ZNF804B: variants seen among roughly 807,000 people sequenced by gnomAD.
ZNF804B encodes the protein zinc finger 804B.
A neutral mutation model predicts 101.4 loss-of-function variants in ZNF804B; 80 were observed. That is an observed-to-expected ratio of 0.79 (90% CI 0.66 to 0.95). The LOEUF is 0.95. Ranked by LOEUF, ZNF804B falls within the 40% of genes least tolerant of loss-of-function variation. ZNF804B has a pLI of 0.00. For missense variants in ZNF804B, 1,673 were observed against 1,561.9 expected, an observed-to-expected ratio of 1.07 and a Z score of -1.20; for synonymous variants, 622 against 558.8, an observed-to-expected ratio of 1.11 and a Z score of -1.59.
chr7:88,790,131 G>A (rs918814328), intron 1 of ZNF804B, among the ~76,000 whole-genome samples: 15 of 151,924 alleles, frequency 9.9e-5, no homozygotes, highest in Admixed American at 2.6e-4. Context: ...GTGATCATTG[G>A]CTTTATATAT....
intron 2 of ZNF804B, among the ~76,000 whole-genome samples, chr7:89,258,132 C>T (rs115191651): frequency 0.016 from 2,450 of 151,636 alleles, 68 homozygotes; most frequent in African/African-American, 0.056. Flanking sequence ...TATAGTATAA[C>T]AACTATTTAT....
intron 1 of ZNF804B, among the ~76,000 whole-genome samples, chr7:89,079,697 A>G (rs546039559): frequency 6.6e-6 from 1 of 152,158 alleles, no homozygotes; most frequent in East Asian, 1.9e-4. Flanking sequence ...GACAAGAACT[A>G]ATATAGGAGG....
chr7:89,240,873 T>G (rs1403082141), intron 2 of ZNF804B, among the ~76,000 whole-genome samples: 3 of 152,096 alleles, frequency 2.0e-5, no homozygotes, highest in Admixed American at 2.0e-4. Flanking sequence ...TATGCTTGGT[T>G]TATTGTTTAA....
At chr7:88,856,155 G>A (rs1305297221) in intron 1 of ZNF804B, among the ~76,000 whole-genome samples, 9 of 152,148 alleles carry the variant, frequency 5.9e-5, no homozygotes, top group African/African-American at 2.2e-4. Flanking sequence ...GTCATTGGTA[G>A]CTTGATGGGG....
chr7:88,786,954 A>G (rs747026619), intron 1 of ZNF804B, among the ~76,000 whole-genome samples: 33 of 152,146 alleles, frequency 2.2e-4, no homozygotes, highest in Non-Finnish European at 2.6e-4. Context: ...GAGTGTGCAC[A>G]CAAACATGGC....
At chr7:89,241,304 C>T (rs1187591243) in intron 2 of ZNF804B, among the ~76,000 whole-genome samples, 1 of 152,036 alleles carries the variant, frequency 6.6e-6, no homozygotes, top group Non-Finnish European at 1.5e-5. Flanking sequence ...TGAGATGAAG[C>T]TTCAATTATT....
At chr7:89,246,280 G>C (rs1277078258) in intron 2 of ZNF804B, among the ~76,000 whole-genome samples, 2 of 152,186 alleles carry the variant, frequency 1.3e-5, no homozygotes, top group African/African-American at 4.8e-5. Flanking sequence ...TTGCAGCCAG[G>C]AGCAGTTTGT....
At chr7:89,130,927 C>A (rs1353087396) in intron 1 of ZNF804B, among the ~76,000 whole-genome samples, 1 of 151,934 alleles carries the variant, frequency 6.6e-6, no homozygotes, top group South Asian at 2.1e-4. Flanking sequence ...AACTGAACGA[C>A]CAAAGTTTAT....
intron 1 of ZNF804B, among the ~76,000 whole-genome samples, chr7:89,113,724 G>A (rs2214340): frequency 0.22 from 33,949 of 151,964 alleles, 3,748 homozygotes; most frequent in Middle Eastern, 0.26. Context: ...AGGCCAAGGC[G>A]GGCAGATCAT....
chr7:88,793,615 G>A (rs1336338565), intron 1 of ZNF804B, among the ~76,000 whole-genome samples: 1 of 152,044 alleles, frequency 6.6e-6, no homozygotes, highest in Non-Finnish European at 1.5e-5. Flanking sequence ...TCTGAATGCA[G>A]GAATTATACA....
chr7:88,852,369 G>A (rs1791460377), intron 1 of ZNF804B, among the ~76,000 whole-genome samples: 1 of 152,082 alleles, frequency 6.6e-6, no homozygotes, highest in African/African-American at 2.4e-5. Flanking sequence ...GACAGCTTCA[G>A]GGATTTTTTT....
At chr7:89,031,977 T>A (rs910289913) in intron 1 of ZNF804B, among the ~76,000 whole-genome samples, 8 of 152,074 alleles carry the variant, frequency 5.3e-5, no homozygotes, top group African/African-American at 1.7e-4. Context: ...GTTTTTTTTT[T>A]TCTTGATACA....
At chr7:89,098,279 T>TG (rs1789998351) in intron 1 of ZNF804B, among the ~76,000 whole-genome samples, 1 of 151,874 alleles carries the variant, frequency 6.6e-6, no homozygotes, top group Admixed American at 6.6e-5. Context: ...ATAATTTTTT[T>TG]TTTTTTTTTT....
At chr7:89,255,419 TA>T in intron 2 of ZNF804B, among the ~76,000 whole-genome samples, 1 of 152,090 alleles carries the variant, frequency 6.6e-6, no homozygotes, top group South Asian at 2.1e-4. Context: ...GATAGACAAG[TA>T]AAAAAATGGG....
chr7:88,767,826 G>T (rs1428475917), intron 1 of ZNF804B, among the ~76,000 whole-genome samples: 3 of 152,234 alleles, frequency 2.0e-5, no homozygotes, highest in African/African-American at 4.8e-5. Context: ...CATGTTCGCA[G>T]ATGTTTCTGC....
At chr7:88,984,132 A>G (rs983568404) in intron 1 of ZNF804B, among the ~76,000 whole-genome samples, 1 of 152,102 alleles carries the variant, frequency 6.6e-6, no homozygotes. Flanking sequence ...ATGCTTTTCC[A>G]GTTAACCATG....
In ZNF804B at chr7:88,943,411, G is replaced by A. The variant is rs191812806; in HGVS notation, c.108+183327G>A. Reference sequence around the variant, plus strand: ...AGATTCTATTTGGACTTTTCTGTTAGCAAGCACTTGCTTACATTGTAGTAT... The same window carrying A: ...AGATTCTATTTGGACTTTTCTGTTAACAAGCACTTGCTTACATTGTAGTAT... On this transcript the variant is annotated intron_variant, in intron 1 of 3. Coordinates refer to ENST00000333190, the MANE Select transcript of ZNF804B (RefSeq NM_181646.5). Among the ~76,000 whole-genome samples, 304 of 151,928 alleles carry A rather than the reference G, an allele frequency of 2.0e-3. 1 individual carries two copies. Among genetic ancestry groups the A allele is most frequent in the African/African-American group, 7.2e-3 (298 of 41,506 alleles).
At chr7:88,880,952 A>C (rs898543014) in intron 1 of ZNF804B, among the ~76,000 whole-genome samples, 17 of 152,220 alleles carry the variant, frequency 1.1e-4, no homozygotes, top group African/African-American at 3.8e-4. Flanking sequence ...ATAGAAGCAA[A>C]TAAACACTAT....
intron 1 of ZNF804B, among the ~76,000 whole-genome samples, chr7:88,930,527 T>A (rs566130529): frequency 6.6e-6 from 1 of 151,956 alleles, no homozygotes; most frequent in Admixed American, 6.6e-5. Flanking sequence ...CCAGACCATA[T>A]TTAAAAACTG....
Sources: allele counts gnomAD v4.1 joint callset (sites outside exome capture counted in the v4.1 genomes callset), GRCh38; gene constraint gnomAD v4.1.1; transcripts MANE v1.5; gene names NCBI Gene and HGNC (gene_info 2026-07-23, HGNC 2026-07-21).